Variants in SCNN1A observed in about 807,000 individuals in gnomAD.
SCNN1A encodes sodium channel epithelial 1 subunit alpha.
SCNN1A carries 65 observed loss-of-function variants against 68.6 expected under a neutral mutation model. The observed-to-expected ratio is 0.95, with a 90% CI of 0.78 to 1.16. The LOEUF is 1.16. SCNN1A is among the 50% of genes most tolerant of loss of function. SCNN1A has a pLI of 0.00. For missense variants in SCNN1A, 880 were observed against 865.9 expected (o/e 1.02, Z -0.20); for synonymous variants, 357 against 353.3 (o/e 1.01, Z -0.12).
rs761050824 is a variant in SCNN1A at position 6,349,022 on chromosome 12, G to T, written c.1498-17C>A. The T allele has an allele frequency of 3.1e-6, 5 of 1,613,776 alleles. No individual in the cohort carries two copies. Among genetic ancestry groups the T allele is most frequent in the East Asian group, 2.2e-5 (1 of 44,876 alleles). On this transcript the variant is annotated splice_polypyrimidine_tract_variant and intron_variant, in intron 10 of 12. Transcript: ENST00000228916. ...GACCCATTCCTAGGAAAGAATGGGG[G>T]TGTCATCAAGGTCACTCCCATATGC...
chr12:6,370,230 G>T (rs541664630), intron 2 of SCNN1A, among the ~76,000 whole-genome samples: 18 of 152,276 alleles, frequency 1.2e-4, no homozygotes, highest in African/African-American at 3.9e-4. Context: ...AATTCCCCAG[G>T]GTCACTCAGC....
intron 2 of SCNN1A, among the ~76,000 whole-genome samples, chr12:6,367,689 G>A (rs976447762): frequency 2.6e-5 from 4 of 152,216 alleles, no homozygotes; most frequent in African/African-American, 9.6e-5. Flanking sequence ...TCAAACCTGA[G>A]TGGGCACTCA....
chr12:6,369,292 A>ACACGC (rs1565485265), intron 2 of SCNN1A, among the ~76,000 whole-genome samples: 10 of 143,370 alleles, frequency 7.0e-5, no homozygotes, highest in African/African-American at 2.1e-4. Flanking sequence ...CTGCCACCCT[A>ACACGC]CTCACCTCCC....
rs1948394915 is a variant in SCNN1A, at chr12:6,351,911, C to T, written c.1361-2506G>A. ...AGTGGCTGGGTCTGCAGGTGTGCAC[C>T]ACCATGCCCAGCTAATTTTTGTAAA... On this transcript the variant is annotated intron_variant, in intron 8 of 12. Transcript: ENST00000228916. The surrounding 1 kb of genome is among the most constrained non-coding windows in gnomAD (Gnocchi z 4.2). Among the ~76,000 whole-genome samples the T allele has an allele frequency of 6.6e-6, 1 of 151,998 alleles. No homozygotes were observed. The highest frequency in any genetic ancestry group is 2.4e-5 in the African/African-American group (1 of 41,396).
chr12:6,368,388 C>T (rs77012339), intron 2 of SCNN1A, among the ~76,000 whole-genome samples: 1 of 152,096 alleles, frequency 6.6e-6, no homozygotes, highest in East Asian at 1.9e-4. Flanking sequence ...AAGTGGGCTG[C>T]CTTTCATTGG....
chr12:6,363,615 A>G lies in SCNN1A; in HGVS notation c.512T>C (p.Val171Ala). The G allele has an allele frequency of 6.2e-7, 1 of 1,613,150 alleles. No homozygotes were observed. The highest frequency in any genetic ancestry group is 8.5e-7 in the Non-Finnish European group (1 of 1,179,602). The change falls in exon 3 of 13, where the codon GTG becomes GCG. Residue 171 changes from valine (V) to alanine (A), a missense_variant. By Grantham distance (64) the Val-to-Ala change is moderately conservative. This residue lies in a region of SCNN1A where 758 missense variants were observed against 721.8 expected (regional missense o/e 1.05). Transcript: ENST00000228916. ...GTCGCGACGGCTGCGGGAGCCGGCC[A>G]CGAGAGTGGTGAAGGAGCTGTATTT... ...LYKYSSFTTL[V>A]AGSRSRRDLR...
chr12:6,348,057 AG>A lies in SCNN1A; in HGVS notation c.1825del (p.Leu609TrpfsTer29). ...GRGAQEVAST[L>X]ASSPPSHFCP... ...GAAGTGGGAAGGAGGGGAGGATGCC[AG>A]GGTGGAGGCTACCTCCTGAGCACCC... is the stretch of plus-strand genomic sequence containing the variant. On this transcript the variant is annotated frameshift_variant, in exon 13 of 13. Coordinates refer to ENST00000228916, the MANE Select transcript of SCNN1A (RefSeq NM_001038.6). LOFTEE classifies it low-confidence loss of function (END_TRUNC). 1 of 1,613,082 alleles carries A rather than the reference AG, an allele frequency of 6.2e-7. No homozygotes were observed. The highest frequency in any genetic ancestry group is 8.5e-7 in the Non-Finnish European group (1 of 1,179,526).
At chr12:6,355,200 C>T in intron 6 of SCNN1A, 72 bp downstream of exon 6, 1 of 1,527,150 alleles carries the variant, frequency 6.5e-7, no homozygotes, top group South Asian at 1.2e-5. Flanking sequence ...CCCTCTCCAG[C>T]CTCCCATGCC....
intron 3 of SCNN1A, among the ~76,000 whole-genome samples, chr12:6,362,447 G>A (rs558934700): frequency 6.6e-6 from 1 of 152,268 alleles, no homozygotes; most frequent in East Asian, 1.9e-4. Context: ...GGAGTTGCAG[G>A]CCAGGAAAGG....
Position 6,364,175 on chromosome 12 carries a change from TG to T in SCNN1A, c.417-466del, listed in dbSNP as rs774087365. ...GGCACCGAAATCAAGAGTTCACAAC[TG>T]AACTTTTAGAATCTCCAACTCTAAA... On this transcript the variant is annotated intron_variant, in intron 2 of 12. Coordinates refer to ENST00000228916, the MANE Select transcript of SCNN1A (RefSeq NM_001038.6). 9.6e-4 allele frequency: 148 copies of T among 154,282 alleles called. 3 individuals are homozygous for T. Among genetic ancestry groups the T allele is most frequent in the Middle Eastern group, 3.3e-3 (1 of 304 alleles). 9.6% of individuals were successfully genotyped at this position (154,282 alleles called of 1,614,324 possible).
chr12:6,349,709 T>C, intron 8 of SCNN1A: 1 of 237,142 alleles, frequency 4.2e-6, no homozygotes, highest in South Asian at 5.6e-5. Context: ...ACCTTGTCTC[T>C]AAAAAAAAAA....
rs1232915155 is a variant in SCNN1A, at chr12:6,356,443, AAT to A, written c.876-565_876-564del. On this transcript the variant is annotated intron_variant, in intron 4 of 12. Transcript: ENST00000228916. ...ATAAATAGTTGTTGAGTGAGGAATG[AAT>A]GAATGAATGAATGAATGAATGAATG... 4.1e-5 allele frequency: 7 copies of A among 169,784 alleles called. No homozygotes were observed. In the East Asian group the frequency reaches 1.0e-3, roughly 25 times the overall value. The allele number at this position is 169,784 out of a possible 1,614,324, so 10.5% of individuals were successfully genotyped here. A position where few individuals can be genotyped will look rare whatever the true frequency, so the allele number is the denominator to read the frequency against.
chr12:6,373,261 G>T (rs530954631), intron 2 of SCNN1A, among the ~76,000 whole-genome samples: 1 of 151,736 alleles, frequency 6.6e-6, no homozygotes, highest in Non-Finnish European at 1.5e-5. Flanking sequence ...ATCCAAAATC[G>T]CACACATACC....
chr12:6,359,030 T>TG (rs911479313), intron 4 of SCNN1A, among the ~76,000 whole-genome samples: 3 of 152,080 alleles, frequency 2.0e-5, no homozygotes, highest in Non-Finnish European at 4.4e-5. Flanking sequence ...TTATGTGAAA[T>TG]GTCCACCACA....
At position 6,363,676 on chromosome 12, in the gene SCNN1A, C is replaced by G. The variant is rs1193384138; in HGVS notation, c.451G>C (p.Asp151His). Residue 151 changes from aspartate (D) to histidine (H), a missense_variant, in exon 3 of 13, where the codon GAC (aspartate) becomes CAC (histidine). By Grantham distance (81) the Asp-to-His change is moderately conservative. Coordinates refer to ENST00000228916, the MANE Select transcript of SCNN1A (RefSeq NM_001038.6). Reference protein sequence around the residue: ...PEIKEELEELDRITEQTLFDL... With the variant: ...PEIKEELEELHRITEQTLFDL... Reference sequence around the variant, plus strand: ...AAGAGCGTCTGCTCTGTGATGCGGTCCAGCTCCTCCAGCTCCTCTTTAATT... The same window carrying G: ...AAGAGCGTCTGCTCTGTGATGCGGTGCAGCTCCTCCAGCTCCTCTTTAATT... 6.2e-7 allele frequency: 1 copy of G among 1,602,830 alleles called. No individual in the cohort carries two copies. The highest frequency in any genetic ancestry group is 8.5e-7 in the Non-Finnish European group (1 of 1,173,960).
chr12:6,349,627 G>T (rs1022592631), intron 8 of SCNN1A, among the ~76,000 whole-genome samples: 6 of 152,084 alleles, frequency 3.9e-5, no homozygotes, highest in Non-Finnish European at 7.4e-5. Context: ...AGGGTCGTTT[G>T]AGGCCAGGAG....
At chr12:6,366,677 G>C (rs1226810667) in intron 2 of SCNN1A, among the ~76,000 whole-genome samples, 1 of 152,072 alleles carries the variant, frequency 6.6e-6, no homozygotes, top group Non-Finnish European at 1.5e-5. Context: ...GCACATGCCT[G>C]TAATCCCAGC....
intron 2 of SCNN1A, among the ~76,000 whole-genome samples, chr12:6,369,369 C>A (rs1364010254): frequency 1.4e-5 from 2 of 147,656 alleles, no homozygotes; most frequent in Non-Finnish European, 3.0e-5. Context: ...CTACGCGCCT[C>A]CCTCCTGCCT....
intron 2 of SCNN1A, among the ~76,000 whole-genome samples, chr12:6,369,357 C>A (rs1226835518): frequency 7.9e-6 from 1 of 126,108 alleles, no homozygotes; most frequent in Non-Finnish European, 1.7e-5. Context: ...CCTCCTGCCA[C>A]CCTACGCGCC....
Sources: gnomAD v4.1 joint callset for allele counts (sites outside exome capture counted in the v4.1 genomes callset) on GRCh38, gnomAD v4.1.1 for gene constraint, gnomAD v4.1.1 regional missense constraint, Gnocchi (gnomAD v3.1) non-coding constraint, MANE v1.5 for transcripts, NCBI Gene and HGNC (gene_info 2026-07-23, HGNC 2026-07-21) for gene names.